CCDC141: variants seen among roughly 807,000 people sequenced by gnomAD.
CCDC141 encodes the protein coiled-coil domain containing 141.
A neutral mutation model predicts 181.0 loss-of-function variants in CCDC141; 168 were observed. The ratio of observed to expected loss-of-function variants is 0.93; its 90% CI spans 0.82 to 1.05. The LOEUF (loss-of-function observed/expected upper bound fraction) is 1.05. Among genes scored for constraint, CCDC141 ranks in the 50% least tolerant of loss-of-function variants. The pLI is 0.00. For synonymous variants in CCDC141, 666 were observed against 642.3 expected, an observed-to-expected ratio of 1.04 and a Z score of -0.56; for missense variants, 1,902 against 1,788.5, an observed-to-expected ratio of 1.06 and a Z score of -1.14.
chr2:178,979,691 G>T (rs1224011777), intron 2 of CCDC141, among the ~76,000 whole-genome samples: 1 of 152,090 alleles, frequency 6.6e-6, no homozygotes, highest in Non-Finnish European at 1.5e-5. Flanking sequence ...GAATAAATTA[G>T]AATCAAAACA....
chr2:178,952,861 A>C (rs1690007880), intron 5 of CCDC141, among the ~76,000 whole-genome samples: 1 of 149,462 alleles, frequency 6.7e-6, no homozygotes, highest in South Asian at 2.1e-4. Flanking sequence ...AGCTGCCTTC[A>C]GAGAAGGAAT....
chr2:178,946,150 A>T, intron 5 of CCDC141, among the ~76,000 whole-genome samples: 1 of 152,162 alleles, frequency 6.6e-6, no homozygotes, highest in East Asian at 1.9e-4. Context: ...TCTTCCGAAT[A>T]TCTGGTAATC....
intron 6 of CCDC141, among the ~76,000 whole-genome samples, chr2:178,921,472 A>T (rs780519178): frequency 6.6e-6 from 1 of 152,234 alleles, no homozygotes; most frequent in Non-Finnish European, 1.5e-5. Context: ...ATATTTCCCA[A>T]AATGTTATTG....
chr2:179,036,081 C>A (rs1225810438), intron 2 of CCDC141, among the ~76,000 whole-genome samples: 1 of 152,182 alleles, frequency 6.6e-6, no homozygotes, highest in Non-Finnish European at 1.5e-5. Context: ...ATGGCGTGTG[C>A]CTCATCTTTT....
chr2:178,817,822 C>T, the CCDC141 span: 9 of 281,670 alleles, frequency 3.2e-5, no homozygotes, highest in South Asian at 9.7e-5. Flanking sequence ...TCCCTTCTTT[C>T]AATGGAGTCT....
intron 5 of CCDC141, among the ~76,000 whole-genome samples, chr2:178,957,166 C>A (rs945378108): frequency 1.3e-5 from 2 of 152,182 alleles, no homozygotes; most frequent in South Asian, 2.1e-4. Flanking sequence ...AGCCACCGGG[C>A]CTGGCCGAGA....
rs748086006 is a variant in CCDC141 at position 178,837,374 on chromosome 2, G to A, written c.3845C>T (p.Thr1282Ile). The change falls in exon 23 of 24, where the codon ACA (threonine) becomes ATA (isoleucine). Residue 1282 changes from threonine (T) to isoleucine (I), a missense_variant. Thr to Ile is a moderately conservative substitution (Grantham distance 89). Coordinates refer to ENST00000443758, the MANE Select transcript of CCDC141 (RefSeq NM_173648.4). ...FADACNDKRE[T>I]FSSHFERPYL... ...AGGCCTCTCAAAATGACTTGAAAATGTTTCTCTCTTATCATTGCATGCATC... is the reference window on the plus strand; with the variant it reads ...AGGCCTCTCAAAATGACTTGAAAATATTTCTCTCTTATCATTGCATGCATC... The A allele has an allele frequency of 6.2e-7, 1 of 1,614,104 alleles. No homozygotes were observed.
Position 179,040,924 on chromosome 2 carries a change from G to A in CCDC141, c.225+6360C>T, listed in dbSNP as rs185002946. Among the ~76,000 whole-genome samples, 56 of 152,234 alleles carry A rather than the reference G, an allele frequency of 3.7e-4. No homozygotes were observed. The East Asian group carries it at 8.5e-3, about 23-fold the overall frequency. ...TAGTAATGGATTGATGGGTTGAATGGTATTTCTGCCTCTAGGTCTTTGAGG... is the reference window on the plus strand; with the variant it reads ...TAGTAATGGATTGATGGGTTGAATGATATTTCTGCCTCTAGGTCTTTGAGG... On this transcript the variant is annotated intron_variant, in intron 2 of 23. Coordinates refer to ENST00000443758, the MANE Select transcript of CCDC141 (RefSeq NM_173648.4).
chr2:178,932,699 C>T (rs1020315438), intron 6 of CCDC141, among the ~76,000 whole-genome samples: 6 of 152,010 alleles, frequency 3.9e-5, no homozygotes, highest in Non-Finnish European at 8.8e-5. Flanking sequence ...CCATATACAC[C>T]CACATACGGT....
chr2:178,877,564 G>C, intron 12 of CCDC141: 1 of 220,192 alleles, frequency 4.5e-6, no homozygotes, highest in Non-Finnish European at 8.8e-6. Flanking sequence ...ACTACAAAGA[G>C]ATCTGCTATG....
intron 2 of CCDC141, among the ~76,000 whole-genome samples, chr2:179,025,286 C>T (rs1363167514): frequency 6.6e-6 from 1 of 152,004 alleles, no homozygotes; most frequent in East Asian, 1.9e-4. Flanking sequence ...GTCTCCCCAC[C>T]CAAATCTCAT....
chr2:179,047,015 G>A (rs944547047), intron 2 of CCDC141, among the ~76,000 whole-genome samples: 1 of 151,892 alleles, frequency 6.6e-6, no homozygotes, highest in Non-Finnish European at 1.5e-5. Flanking sequence ...TTTTCCCACT[G>A]AGGCAGCCAG....
At chr2:178,824,693 GACTTGTCCAGGA>G in the CCDC141 span, among the ~76,000 whole-genome samples, 1 of 147,870 alleles carries the variant, frequency 6.8e-6, no homozygotes, top group East Asian at 2.0e-4. Context: ...CTGTGCTCCT[GACTTGTCCAGGA>G]ACATCCTGTT....
intron 14 of CCDC141, 62 bp downstream of exon 14, chr2:178,871,365 T>G: frequency 6.4e-7 from 1 of 1,550,488 alleles, no homozygotes; most frequent in Non-Finnish European, 8.7e-7. Flanking sequence ...TCAGGTAAAC[T>G]GCAACCAAAC....
chr2:179,038,878 C>G (rs2043215763), intron 2 of CCDC141, among the ~76,000 whole-genome samples: 1 of 152,148 alleles, frequency 6.6e-6, no homozygotes. Flanking sequence ...CTCTTACAGT[C>G]ATAATTCCCC....
At chr2:179,015,360 C>CATATATGTATCATACATATCT (rs2042451614) in intron 2 of CCDC141, among the ~76,000 whole-genome samples, 1 of 32,704 alleles carries the variant, frequency 3.1e-5, no homozygotes, top group Admixed American at 4.0e-4. Context: ...CATACATATC[C>CATATATGTATCATACATATCT]CATATATGTA....
rs1690396437 is a variant in CCDC141, at chr2:178,961,463, C to T, written c.547G>A (p.Ala183Thr). Residue 183 changes from alanine to threonine, a missense_variant, in exon 5 of 24, where the codon GCC becomes ACC. Physicochemically the swap from Ala to Thr is moderately conservative, Grantham distance 58. Coordinates refer to ENST00000443758, the MANE Select transcript of CCDC141 (RefSeq NM_173648.4). The part of the protein sequence containing the change: ...HTKELLERSL[A>T]LLNKSQQLTD... ...AGTTGTTGACTTTTGTTTAAAAGGG[C>T]TAAAGACCGTTCCAAGAGTTCTAGA... The T allele has an allele frequency of 1.3e-6, 2 of 1,549,444 alleles. No individual in the cohort carries two copies. Among genetic ancestry groups the T allele is most frequent in the Non-Finnish European group, 1.7e-6 (2 of 1,146,410 alleles).
At chr2:178,921,972 G>T (rs1688709732) in intron 6 of CCDC141, among the ~76,000 whole-genome samples, 2 of 152,152 alleles carry the variant, frequency 1.3e-5, no homozygotes, top group African/African-American at 4.8e-5. Flanking sequence ...AAAAGATTTG[G>T]CATTGATCAG....
downstream of CCDC141, among the ~76,000 whole-genome samples, chr2:178,829,496 T>C (rs905938069): frequency 6.6e-6 from 1 of 152,222 alleles, no homozygotes; most frequent in Non-Finnish European, 1.5e-5. Context: ...AACAGTGCTG[T>C]GGAGATTCAT....
Sources: gnomAD v4.1 joint callset for allele counts (sites outside exome capture counted in the v4.1 genomes callset) on GRCh38, gnomAD v4.1.1 for gene constraint, MANE v1.5 for transcripts, NCBI Gene and HGNC (gene_info 2026-07-23, HGNC 2026-07-21) for gene names.